MSRA: variants seen among roughly 807,000 people sequenced by gnomAD.
The protein encoded by MSRA is mitochondrial peptide methionine sulfoxide reductase.
In MSRA, 54 loss-of-function variants were observed where a neutral mutation model predicts 31.3. The observed-to-expected ratio is 1.73, with a 90% CI of 1.39 to 2.17. The LOEUF is 2.17. MSRA is among the 30% of genes most tolerant of loss of function. MSRA has a pLI of 0.00. For missense variants in MSRA, 507 were observed against 300.9 expected, an observed-to-expected ratio of 1.69 and a Z score of -5.07; for synonymous variants, 169 against 116.5, an observed-to-expected ratio of 1.45 and a Z score of -2.90.
chr8:10,184,918 G>C (rs1215071767), intron 1 of MSRA, among the ~76,000 whole-genome samples: 2 of 152,202 alleles, frequency 1.3e-5, no homozygotes, highest in African/African-American at 4.8e-5. Context: ...GAAATCAAGG[G>C]TGAACAAAGG....
Position 10,253,596 on chromosome 8 carries a change from C to G in MSRA, c.331+8373C>G, listed in dbSNP as rs902896291. On this transcript the variant is annotated intron_variant, in intron 3 of 5. Coordinates refer to ENST00000317173, the MANE Select transcript of MSRA (RefSeq NM_012331.5). Reference sequence around the variant, plus strand: ...TCTTTCATTGTTTTAGGATTATATTCTCAAAGACTTAGAAGGGAGATTAAG... The same window carrying G: ...TCTTTCATTGTTTTAGGATTATATTGTCAAAGACTTAGAAGGGAGATTAAG... Among the ~76,000 whole-genome samples the G allele has an allele frequency of 3.3e-5, 5 of 152,278 alleles. No homozygotes were observed. In the East Asian group the frequency reaches 9.6e-4, roughly 29 times the overall value.
intron 1 of MSRA, among the ~76,000 whole-genome samples, chr8:10,088,062 T>C (rs569282958): frequency 2.0e-5 from 3 of 152,322 alleles, no homozygotes; most frequent in South Asian, 2.1e-4. Flanking sequence ...TGGGGGACTT[T>C]AGGGCTCCTT....
At chr8:10,242,389 A>G (rs1797380897) in intron 2 of MSRA, among the ~76,000 whole-genome samples, 1 of 152,202 alleles carries the variant, frequency 6.6e-6, no homozygotes, top group Non-Finnish European at 1.5e-5. Context: ...TTACTGTGAA[A>G]GTCAGATAAC....
At chr8:10,147,026 A>G (rs1313601012) in intron 1 of MSRA, among the ~76,000 whole-genome samples, 1 of 152,210 alleles carries the variant, frequency 6.6e-6, no homozygotes, top group East Asian at 1.9e-4. Context: ...TTACCGGCAG[A>G]GGCGAGGTGG....
intron 1 of MSRA, among the ~76,000 whole-genome samples, chr8:10,066,784 C>G (rs911021776): frequency 6.6e-6 from 1 of 152,250 alleles, no homozygotes; most frequent in South Asian, 2.1e-4. Context: ...ATCCGCCTAC[C>G]TCACCCTCCC....
Position 10,074,426 on chromosome 8 carries a change from C to T in MSRA, c.142+19768C>T, listed in dbSNP as rs1159018338. On this transcript the variant is annotated intron_variant, in intron 1 of 5. Coordinates refer to ENST00000317173, the MANE Select transcript of MSRA (RefSeq NM_012331.5). ...ATGTTTAGCTTTGAAAAGTTTGTTG[C>T]TTTCACTGAAAAGAGTGGGATGAAG... Among the ~76,000 whole-genome samples, 3 of 152,002 alleles carry T rather than the reference C, an allele frequency of 2.0e-5. No individual in the cohort carries two copies. In the South Asian group the frequency reaches 6.2e-4, roughly 32 times the overall value.
intron 3 of MSRA, among the ~76,000 whole-genome samples, chr8:10,283,815 A>ATG (rs2129109060): frequency 2.1e-5 from 1 of 46,530 alleles, no homozygotes; most frequent in African/African-American, 6.3e-5. Context: ...ATATATATAT[A>ATG]TATATATATA....
chr8:10,372,596 C>T (rs1017411523), intron 5 of MSRA, among the ~76,000 whole-genome samples: 2 of 152,152 alleles, frequency 1.3e-5, no homozygotes, highest in African/African-American at 4.8e-5. Flanking sequence ...CTCCCACCTC[C>T]CTCCCTCTCT....
At chr8:10,345,450 G>A (rs922799638) in intron 5 of MSRA, among the ~76,000 whole-genome samples, 2 of 152,100 alleles carry the variant, frequency 1.3e-5, no homozygotes, top group African/African-American at 2.4e-5. Context: ...TGTACCAAGC[G>A]ATCCAAGGGT....
chr8:10,134,801 T>G lies in MSRA; in HGVS notation c.143-73032T>G, dbSNP rs758171245. On this transcript the variant is annotated intron_variant, in intron 1 of 5. Transcript: ENST00000317173. ...TTGGTTGAAGTATATCTTTAAGTCT[T>G]TGATTAAACATGCCGTTGCATTTTC... Among the ~76,000 whole-genome samples, 254 of 152,358 alleles carry G rather than the reference T, an allele frequency of 1.7e-3. 17 individuals are homozygous for G. Among genetic ancestry groups the G allele is most frequent in the Non-Finnish European group, 8.8e-4 (60 of 68,036 alleles).
chr8:10,286,329 T>C (rs906065781), intron 3 of MSRA, among the ~76,000 whole-genome samples: 10 of 152,108 alleles, frequency 6.6e-5, no homozygotes, highest in African/African-American at 2.4e-4. Context: ...GGGCAGGTCT[T>C]TCTGGTGCTG....
intron 3 of MSRA, among the ~76,000 whole-genome samples, chr8:10,273,927 G>A (rs1455437418): frequency 2.0e-5 from 3 of 152,140 alleles, no homozygotes; most frequent in Non-Finnish European, 4.4e-5. Context: ...AGGTCTACCT[G>A]AGCCTAGAGA....
chr8:10,235,013 A>G (rs954679016), intron 2 of MSRA, among the ~76,000 whole-genome samples: 1 of 152,128 alleles, frequency 6.6e-6, no homozygotes, highest in Non-Finnish European at 1.5e-5. Context: ...AGATGTCTCA[A>G]TTTGCCAGAA....
intron 1 of MSRA, among the ~76,000 whole-genome samples, chr8:10,073,521 A>G (rs1797843793): frequency 6.6e-6 from 1 of 151,620 alleles, no homozygotes; most frequent in Non-Finnish European, 1.5e-5. Context: ...ATCTTACTAT[A>G]GTTTCACCAA....
intron 3 of MSRA, among the ~76,000 whole-genome samples, chr8:10,290,794 G>C (rs1001820757): frequency 6.6e-6 from 1 of 152,176 alleles, no homozygotes; most frequent in African/African-American, 2.4e-5. Flanking sequence ...CAATACCCTT[G>C]TTAATATTAA....
intron 1 of MSRA, among the ~76,000 whole-genome samples, chr8:10,184,008 GTGGTGGTGT>G (rs576886181): frequency 0.4 from 59,236 of 148,758 alleles, 12,023 homozygotes; most frequent in South Asian, 0.53. Context: ...CTACTAGGTG[GTGGTGGTGT>G]TGGTGGTGTT....
chr8:10,343,965 G>A (rs1350688092), intron 5 of MSRA, among the ~76,000 whole-genome samples: 2 of 152,102 alleles, frequency 1.3e-5, no homozygotes, highest in African/African-American at 4.8e-5. Context: ...GTCTTTCTGG[G>A]AGATACCACT....
chr8:10,101,422 G>T (rs1319930406), intron 1 of MSRA, among the ~76,000 whole-genome samples: 1 of 151,934 alleles, frequency 6.6e-6, no homozygotes, highest in Non-Finnish European at 1.5e-5. Context: ...TTTTTAAGTG[G>T]TATCAGGTAC....
chr8:10,076,397 C>T (rs534946057), intron 1 of MSRA, among the ~76,000 whole-genome samples: 1 of 152,292 alleles, frequency 6.6e-6, no homozygotes, highest in African/African-American at 2.4e-5. Flanking sequence ...GCCTTCAACT[C>T]CACCTGAGCT....
Sources: allele counts gnomAD v4.1 joint callset (sites outside exome capture counted in the v4.1 genomes callset), GRCh38; gene constraint gnomAD v4.1.1; transcripts MANE v1.5; gene names NCBI Gene and HGNC (gene_info 2026-07-23, HGNC 2026-07-21).